Variants in ARMC2 observed in about 807,000 individuals in gnomAD.
ARMC2 encodes the protein armadillo repeat-containing protein 2.
Under a neutral mutation model 90.3 loss-of-function variants are expected in ARMC2, and 67 were observed. That is an observed-to-expected ratio of 0.74 (90% CI 0.61 to 0.91). ARMC2 has a LOEUF of 0.91. Ranked by LOEUF, ARMC2 falls within the 40% of genes least tolerant of loss-of-function variation. The pLI, the probability that ARMC2 is intolerant of heterozygous loss-of-function variation, is 0.00. For missense variants in ARMC2, 920 were observed against 1,030.9 expected (o/e 0.89, Z 1.47); for synonymous variants, 393 against 393.0 (o/e 1.00, Z 0.00).
intron 3 of ARMC2, among the ~76,000 whole-genome samples, chr6:108,865,382 C>G (rs1193128468): frequency 6.6e-6 from 1 of 152,120 alleles, no homozygotes; most frequent in Non-Finnish European, 1.5e-5. Context: ...TTATAAAAGT[C>G]ATTTTACTCC....
intron 6 of ARMC2, among the ~76,000 whole-genome samples, chr6:108,898,576 C>A (rs1028388141): frequency 3.3e-5 from 5 of 152,358 alleles, no homozygotes; most frequent in Non-Finnish European, 5.9e-5. Flanking sequence ...TCTTGAGATA[C>A]TGCCTGTGTG....
chr6:108,970,992 G>A (rs1405295017), intron 17 of ARMC2, among the ~76,000 whole-genome samples: 1 of 152,056 alleles, frequency 6.6e-6, no homozygotes, highest in Admixed American at 6.5e-5. Flanking sequence ...GGAGGCCAAG[G>A]TGGGTGGATC....
At chr6:109,038,220 C>A in the ARMC2 span, among the ~76,000 whole-genome samples, 1 of 152,240 alleles carries the variant, frequency 6.6e-6, no homozygotes, top group East Asian at 1.9e-4. Context: ...CAGCTGGGCA[C>A]AGTGGCTCAC....
chr6:108,852,343 A>C (rs889356578), intron 1 of ARMC2, among the ~76,000 whole-genome samples: 3 of 152,250 alleles, frequency 2.0e-5, no homozygotes, highest in Admixed American at 2.0e-4. Flanking sequence ...AGTTTCTCAC[A>C]ATATAATTGT....
downstream of ARMC2, among the ~76,000 whole-genome samples, chr6:108,978,137 G>A (rs571790201): frequency 1.2e-3 from 187 of 152,268 alleles, 1 homozygote; most frequent in African/African-American, 4.0e-3. Context: ...TGGGCATTCA[G>A]TGCTATAAAT....
the ARMC2 span, among the ~76,000 whole-genome samples, chr6:108,989,546 T>G: frequency 2.9e-5 from 3 of 104,798 alleles, no homozygotes; most frequent in East Asian, 6.8e-4. Context: ...TAGAGATATC[T>G]CTAGATCTAG....
the ARMC2 span, among the ~76,000 whole-genome samples, chr6:109,050,249 G>C: frequency 6.6e-6 from 1 of 152,148 alleles, no homozygotes; most frequent in African/African-American, 2.4e-5. Context: ...TTCAAAGACT[G>C]ACCAATTGTG....
chr6:108,998,370 C>T, the ARMC2 span: 2 of 881,002 alleles, frequency 2.3e-6, no homozygotes, highest in Non-Finnish European at 3.4e-6. Flanking sequence ...GTCAATAAAA[C>T]CCTACTGAAT....
chr6:108,948,943 G>A (rs1281577640), intron 12 of ARMC2, among the ~76,000 whole-genome samples: 1 of 152,110 alleles, frequency 6.6e-6, no homozygotes, highest in Admixed American at 6.5e-5. Context: ...CTGGAGGTGG[G>A]ACAGGGCTGG....
rs573878460 is a variant in ARMC2 at position 108,910,970 on chromosome 6, T to C, written c.1095T>C (p.Asn365=). The C allele has an allele frequency of 4.4e-6, 7 of 1,582,626 alleles. No homozygotes were observed. The African/African-American group carries it at 8.1e-5, about 18-fold the overall frequency. The change falls in exon 9 of 18, where the codon AAT becomes AAC. Residue 365 remains asparagine, a synonymous_variant. Transcript: ENST00000392644. Reference sequence around the variant, plus strand: ...TTAAAATTAGCAGGAATGAGAAGAATGATTCTTTGATTCAAAATGACAGCA... The same window carrying C: ...TTAAAATTAGCAGGAATGAGAAGAACGATTCTTTGATTCAAAATGACAGCA... The part of the protein sequence containing the change: ...LIFKISRNEK[N]DSLIQNDSIL...
the ARMC2 span, among the ~76,000 whole-genome samples, chr6:109,031,470 G>C: frequency 2.2e-4 from 33 of 152,132 alleles, no homozygotes; most frequent in Non-Finnish European, 3.8e-4. Flanking sequence ...ACTTGTGTAT[G>C]TGCTCCTCCC....
chr6:108,881,361 T>G (rs1258552763), intron 5 of ARMC2, among the ~76,000 whole-genome samples: 3 of 86,982 alleles, frequency 3.4e-5, no homozygotes, highest in Admixed American at 1.4e-4. Flanking sequence ...TTATGGTACT[T>G]TAGATTAGGT....
At chr6:108,969,135 G>A (rs1233631312) in intron 17 of ARMC2, among the ~76,000 whole-genome samples, 4 of 152,192 alleles carry the variant, frequency 2.6e-5, no homozygotes, top group African/African-American at 9.6e-5. Context: ...GTGGCAGTGG[G>A]CACTTAGGTT....
In ARMC2 at chr6:108,968,787, G is replaced by T. The variant is rs952199177; in HGVS notation, c.2446+3647G>T. 2.4e-4 allele frequency among the ~76,000 whole-genome samples: 36 copies of T among 152,090 alleles called. 1 individual carries two copies. The highest frequency in any genetic ancestry group is 2.3e-3 in the Admixed American group (35 of 15,274). On this transcript the variant is annotated intron_variant, in intron 17 of 17. Transcript: ENST00000392644. ...TATGAACACTGTTTTTGCAAATACT[G>T]GTATGGCAATTTCTATAGTAATGTA... is the stretch of plus-strand genomic sequence containing the variant.
chr6:109,002,484 C>T, the ARMC2 span: 1 of 626,356 alleles, frequency 1.6e-6, no homozygotes, highest in Admixed American at 2.6e-5. Flanking sequence ...TATATACATA[C>T]CAACTCTTCT....
intron 8 of ARMC2, among the ~76,000 whole-genome samples, chr6:108,904,910 G>A (rs994708797): frequency 3.3e-5 from 5 of 152,104 alleles, no homozygotes; most frequent in African/African-American, 1.2e-4. Context: ...GTGGTCACAG[G>A]AAGGTACCTC....
In ARMC2 at chr6:108,869,633, A is replaced by G. The variant is rs77171886; in HGVS notation, c.463+638A>G. On this transcript the variant is annotated intron_variant, in intron 4 of 17. Transcript: ENST00000392644. ...ATTTTATTAGAAATTAATGAAAATG[A>G]TAAGATTCTTATAATGCACATTAAG... Among the ~76,000 whole-genome samples, 643 of 152,374 alleles carry G rather than the reference A, an allele frequency of 4.2e-3. 4 individuals carry two copies. Among genetic ancestry groups the G allele is most frequent in the African/African-American group, 0.015 (606 of 41,588 alleles).
At position 108,928,156 on chromosome 6, in the gene ARMC2, C is replaced by T. The variant is rs764467964; in HGVS notation, c.1419C>T (p.Ala473=). 9 of 1,613,330 alleles carry T rather than the reference C, an allele frequency of 5.6e-6. No individual in the cohort carries two copies. Among genetic ancestry groups the T allele is most frequent in the Admixed American group, 5.0e-5 (3 of 59,834 alleles). ...LVRSKFLNIS[A]LPQLCTAMEQ... The stretch of plus-strand genomic sequence containing the variant: ...GAAGTAAGTTCCTAAACATCAGTGC[C>T]CTTCCCCAGCTCTGCACGGCAATGG... Residue 473 remains alanine (A), a synonymous_variant, in exon 11 of 18, where the codon GCC becomes GCT. Coordinates refer to ENST00000392644, the MANE Select transcript of ARMC2 (RefSeq NM_032131.6).
chr6:108,926,633 G>A (rs971791527), intron 10 of ARMC2, among the ~76,000 whole-genome samples: 12 of 151,132 alleles, frequency 7.9e-5, no homozygotes, highest in African/African-American at 1.2e-4. Context: ...GCTGAGGCAC[G>A]ACAATTGCTT....
Sources: allele counts gnomAD v4.1 joint callset (sites outside exome capture counted in the v4.1 genomes callset), GRCh38; gene constraint gnomAD v4.1.1; transcripts MANE v1.5; gene names NCBI Gene and HGNC (gene_info 2026-07-23, HGNC 2026-07-21).